The following ZBTB20 variants were observed in gnomAD, a reference collection of about 807,000 sequenced individuals.
ZBTB20 encodes the protein zinc finger and BTB domain-containing protein 20.
In ZBTB20, 9 loss-of-function variants were observed where a neutral mutation model predicts 56.9. The ratio of observed to expected loss-of-function variants is 0.16; its 90% CI spans 0.10 to 0.28. The LOEUF is 0.28. Among genes scored for constraint, ZBTB20 ranks in the 10% least tolerant of loss-of-function variants. The probability of loss-of-function intolerance (pLI) is 1.00; values close to 1 mark genes in which losing one functional copy is unlikely to be tolerated. For synonymous variants in ZBTB20, 417 were observed against 420.7 expected, an observed-to-expected ratio of 0.99 and a Z score of 0.11; for missense variants, 655 against 1,003.0, an observed-to-expected ratio of 0.65 and a Z score of 4.69.
chr3:114,792,962 G>T (rs938182350), intron 5 of ZBTB20, among the ~76,000 whole-genome samples: 1 of 147,314 alleles, frequency 6.8e-6, no homozygotes, highest in Admixed American at 7.0e-5. Flanking sequence ...TGCAACCTCC[G>T]CCTCCTGGGT....
chr3:114,414,009 CTG>C (rs201473248), intron 7 of ZBTB20, among the ~76,000 whole-genome samples: 4,216 of 152,222 alleles, frequency 0.028, 98 homozygotes, highest in Middle Eastern at 0.044. Flanking sequence ...GATATCTAAA[CTG>C]TGTGTGCAGT....
chr3:115,118,703 A>ATTTTTTTTTTTTTTTTTTTTTTT (rs35607205), intron 1 of ZBTB20, among the ~76,000 whole-genome samples: 2 of 82,174 alleles, frequency 2.4e-5, no homozygotes, highest in Non-Finnish European at 4.4e-5. Flanking sequence ...CCTGGTACAA[A>ATTTTTTTTTTTTTTTTTTTTTTT]TTTTTTTTTT....
chr3:114,442,326 C>T (rs1428629047), intron 7 of ZBTB20, among the ~76,000 whole-genome samples: 1 of 152,092 alleles, frequency 6.6e-6, no homozygotes, highest in East Asian at 1.9e-4. Context: ...CTAGAGAATG[C>T]TCCCTGGGAT....
intron 6 of ZBTB20, among the ~76,000 whole-genome samples, chr3:114,595,620 G>A (rs1349747788): frequency 6.6e-6 from 1 of 152,168 alleles, no homozygotes; most frequent in Non-Finnish European, 1.5e-5. Flanking sequence ...GAGTTCCAGG[G>A]TATTCCCTTG....
intron 5 of ZBTB20, among the ~76,000 whole-genome samples, chr3:114,790,013 A>G (rs993409134): frequency 2.0e-5 from 3 of 152,090 alleles, no homozygotes; most frequent in African/African-American, 7.2e-5. Context: ...ACACACACAC[A>G]CTCATACACA....
chr3:114,886,897 G>A lies in ZBTB20; in HGVS notation c.-417+13407C>T, dbSNP rs187657549. Among the ~76,000 whole-genome samples the A allele has an allele frequency of 2.6e-3, 389 of 152,244 alleles. 2 individuals carry two copies. Among genetic ancestry groups the A allele is most frequent in the Non-Finnish European group, 4.8e-3 (326 of 68,010 alleles). On this transcript the variant is annotated intron_variant, in intron 4 of 11. Transcript: ENST00000675478. ...CATATGTCTTAGTCTGTTTCCTGTC[G>A]CCTATAACGGAATACTTGTAACTCA...
chr3:114,532,802 A>G (rs570491963), intron 6 of ZBTB20, among the ~76,000 whole-genome samples: 1 of 152,280 alleles, frequency 6.6e-6, no homozygotes, highest in East Asian at 1.9e-4. Flanking sequence ...AACCGGTAGC[A>G]TTGTTTGCTG....
At chr3:114,799,940 A>C (rs2071596276) in intron 5 of ZBTB20, among the ~76,000 whole-genome samples, 1 of 151,962 alleles carries the variant, frequency 6.6e-6, no homozygotes, top group South Asian at 2.1e-4. Context: ...AACTACAGTC[A>C]ATAAAGAGTG....
rs184240403 is a variant in ZBTB20 at position 115,050,223 on chromosome 3, G to A, written c.-507+20996C>T. 2.7e-4 allele frequency among the ~76,000 whole-genome samples: 41 copies of A among 151,964 alleles called. No individual in the cohort carries two copies. In the South Asian group the frequency reaches 2.7e-3, roughly 10 times the overall value. ...TACGAATTTTATAAATGTATGTGAC[G>A]AATATGAATAAAACGTTCATAAAGT... is the stretch of plus-strand genomic sequence containing the variant. On this transcript the variant is annotated intron_variant, in intron 2 of 11. Transcript: ENST00000675478.
chr3:114,800,822 G>GGTGT (rs2071652083), intron 5 of ZBTB20, among the ~76,000 whole-genome samples: 1 of 151,552 alleles, frequency 6.6e-6, no homozygotes, highest in African/African-American at 2.4e-5. Flanking sequence ...TTCCAGACAG[G>GGTGT]GTGTGTGTCA....
rs970215764 is a variant in ZBTB20 at position 115,112,846 on chromosome 3, T to C, written c.-703+34373A>G. On this transcript the variant is annotated intron_variant, in intron 1 of 11. Transcript: ENST00000675478. The stretch of plus-strand genomic sequence containing the variant: ...AGAGATTGCAATAGAGAGATCTGTT[T>C]TTCATTTTATGAAAAATGTCCATAC... 3.9e-5 allele frequency among the ~76,000 whole-genome samples: 6 copies of C among 152,198 alleles called. No homozygotes were observed. The East Asian group carries it at 1.2e-3, about 29-fold the overall frequency.
intron 4 of ZBTB20, among the ~76,000 whole-genome samples, chr3:114,866,626 G>A (rs947668776): frequency 6.6e-6 from 1 of 152,174 alleles, no homozygotes. Context: ...TCTCCAAACA[G>A]TTGGAGGCTG....
chr3:114,961,811 A>C (rs907723124), intron 3 of ZBTB20, among the ~76,000 whole-genome samples: 1 of 152,148 alleles, frequency 6.6e-6, no homozygotes, highest in African/African-American at 2.4e-5. Context: ...AATATAGAGC[A>C]GAAGCCAACA....
At chr3:114,812,957 C>A (rs2072659584) in intron 4 of ZBTB20, among the ~76,000 whole-genome samples, 2 of 149,128 alleles carry the variant, frequency 1.3e-5, no homozygotes, top group Admixed American at 1.3e-4. Context: ...AGTGCGGGGT[C>A]CGTCTAGCCC....
Position 114,351,473 on chromosome 3 carries a change from G to A in ZBTB20, c.605C>T (p.Pro202Leu), listed in dbSNP as rs771671661. 3.7e-6 allele frequency: 6 copies of A among 1,613,702 alleles called. No individual in the cohort carries two copies. In the African/African-American group the frequency reaches 5.3e-5, roughly 14 times the overall value. ...GTCCTGGCCCGAGTCCTGGATCCCC[G>A]GGAACACATCGCCCACGTTCTGTGA... The part of the protein sequence containing the change: ...IVSQNVGDVF[P>L]GIQDSGQDTP... The change falls in exon 11 of 12, where the codon CCG becomes CTG. Residue 202 changes from proline to leucine, a missense_variant. Pro to Leu is a moderately conservative substitution (Grantham distance 98). This residue lies in a region of ZBTB20 where 167 missense variants were observed against 281.9 expected (regional missense o/e 0.59). Coordinates refer to ENST00000675478, the MANE Select transcript of ZBTB20 (RefSeq NM_001348800.3).
Position 114,671,012 on chromosome 3 carries a change from T to C in ZBTB20, c.-295+22516A>G, listed in dbSNP as rs534993145. ...AAATACCAGGGTACATGCAGAGATG[T>C]CTGCTCTAATGGTATTTGTTGACCT... On this transcript the variant is annotated intron_variant, in intron 6 of 11. Transcript: ENST00000675478. Among the ~76,000 whole-genome samples the C allele has an allele frequency of 6.6e-5, 10 of 152,250 alleles. No individual in the cohort carries two copies. The South Asian group carries it at 2.1e-3, about 32-fold the overall frequency.
At chr3:115,089,640 C>G (rs533710650) in intron 1 of ZBTB20, among the ~76,000 whole-genome samples, 1 of 151,756 alleles carries the variant, frequency 6.6e-6, no homozygotes, top group African/African-American at 2.4e-5. Context: ...ATAGAAAGAA[C>G]AGAGACTAAA....
At chr3:114,727,557 A>G (rs1365805113) in intron 5 of ZBTB20, among the ~76,000 whole-genome samples, 2 of 152,236 alleles carry the variant, frequency 1.3e-5, no homozygotes, top group African/African-American at 4.8e-5. Context: ...ACTATACTGT[A>G]AGAAATCATT....
chr3:114,749,023 C>G (rs2067340056), intron 5 of ZBTB20, among the ~76,000 whole-genome samples: 1 of 152,170 alleles, frequency 6.6e-6, no homozygotes, highest in African/African-American at 2.4e-5. Flanking sequence ...AAAGGTAGGA[C>G]AAGTCACAGG....
Sources: gnomAD v4.1 joint callset for allele counts (sites outside exome capture counted in the v4.1 genomes callset) on GRCh38, gnomAD v4.1.1 for gene constraint, gnomAD v4.1.1 regional missense constraint, MANE v1.5 for transcripts, NCBI Gene and HGNC (gene_info 2026-07-23, HGNC 2026-07-21) for gene names.